ANKRD35: variants seen among roughly 807,000 people sequenced by gnomAD.
ANKRD35 encodes ankyrin repeat domain-containing protein 35.
Under a neutral mutation model 109.9 loss-of-function variants are expected in ANKRD35, and 102 were observed. The observed-to-expected ratio is 0.93, with a 90% CI of 0.79 to 1.09. The LOEUF is 1.09. Among genes scored for constraint, ANKRD35 ranks in the 50% least tolerant of loss-of-function variants. ANKRD35 has a pLI of 0.00. For missense variants in ANKRD35, 1,240 were observed against 1,230.1 expected, an observed-to-expected ratio of 1.01 and a Z score of -0.12; for synonymous variants, 515 against 512.4, an observed-to-expected ratio of 1.01 and a Z score of -0.07.
chr1:145,867,310 G>A lies in ANKRD35; in HGVS notation c.*20C>T. The A allele has an allele frequency of 6.2e-7, 1 of 1,611,288 alleles. No individual in the cohort carries two copies. Among genetic ancestry groups the A allele is most frequent in the South Asian group, 1.1e-5 (1 of 91,010 alleles). ...ACAACAGAGAATCTCGTATCCCTGA[G>A]GGCACACAGTGAGGCTGCCTCACTC... On this transcript the variant is annotated 3_prime_UTR_variant, in exon 13 of 14. Transcript: ENST00000355594.
In ANKRD35 at chr1:145,872,069, C is replaced by G. The variant is rs782730914; in HGVS notation, c.2700G>C (p.Gly900=). 6.2e-7 allele frequency: 1 copy of G among 1,613,604 alleles called. No individual in the cohort carries two copies. Among genetic ancestry groups the G allele is most frequent in the Non-Finnish European group, 8.5e-7 (1 of 1,179,898 alleles). The change falls in exon 10 of 14, where the codon GGG becomes GGC. Residue 900 remains glycine (G), a synonymous_variant. Transcript: ENST00000355594. ...EQERQASEMR[G]RSEQFEKTAE... The stretch of plus-strand genomic sequence containing the variant: ...CCGTTTTCTCAAACTGCTCGGAGCG[C>G]CCCCGCATCTCGCTGGCCTGGCGCT...
chr1:145,881,165 T>C (rs1654271555), intron 1 of ANKRD35, among the ~76,000 whole-genome samples: 1 of 152,168 alleles, frequency 6.6e-6, no homozygotes. Context: ...CCGGTGCCTG[T>C]AATCCCAGCT....
chr1:145,873,030 T>C lies in ANKRD35; in HGVS notation c.1739A>G (p.Gln580Arg). Residue 580 changes from glutamine (Q) to arginine (R), a missense_variant, in exon 10 of 14, where the codon CAG becomes CGG. Transcript: ENST00000355594. ...ALKAAPGSIK[Q>R]DEEKEKRVPG... The stretch of plus-strand genomic sequence containing the variant: ...AACCCTTTTCTCCTTCTCTTCATCC[T>C]GTTTGATGCTCCCTGGGGCTGCCTT... The C allele has an allele frequency of 4.3e-6, 7 of 1,611,280 alleles. No homozygotes were observed. Among genetic ancestry groups the C allele is most frequent in the Non-Finnish European group, 5.9e-6 (7 of 1,178,804 alleles).
At chr1:145,868,150 G>T in intron 11 of ANKRD35, 94 bp from the exon 12 acceptor site, 3 of 1,490,118 alleles carry the variant, frequency 2.0e-6, no homozygotes, top group East Asian at 4.5e-5. Context: ...TACCAGGTGG[G>T]CTCGTTGGCC....
At chr1:145,871,225 G>A (rs1251774552) in intron 10 of ANKRD35, among the ~76,000 whole-genome samples, 1 of 120,452 alleles carries the variant, frequency 8.3e-6, no homozygotes, top group African/African-American at 3.2e-5. Context: ...GTGCAATGGT[G>A]CAATCTTGGC....
At chr1:145,878,293 G>T in intron 3 of ANKRD35, 98 bp downstream of exon 3, 1 of 1,277,860 alleles carries the variant, frequency 7.8e-7, no homozygotes, top group Non-Finnish European at 1.1e-6. Context: ...GAAGCAAGGG[G>T]CCACAGTAGG....
chr1:145,872,568 C>T lies in ANKRD35; in HGVS notation c.2201G>A (p.Ser734Asn), dbSNP rs1240495620. The change falls in exon 10 of 14, where the codon AGC becomes AAC. Residue 734 changes from serine to asparagine, a missense_variant. Ser to Asn is a conservative substitution (Grantham distance 46, BLOSUM62 1). Coordinates refer to ENST00000355594, the MANE Select transcript of ANKRD35 (RefSeq NM_144698.5). The stretch of plus-strand genomic sequence containing the variant: ...CTCCCGGTGCCGATCCACCAGGGTG[C>T]TGATGCAGGCCCGCAGCTCCTCCAG... ...ESLEELRACI[S>N]TLVDRHREAQ... 11 of 1,611,060 alleles carry T rather than the reference C, an allele frequency of 6.8e-6. No homozygotes were observed. The highest frequency in any genetic ancestry group is 9.3e-6 in the Non-Finnish European group (11 of 1,178,700).
chr1:145,874,976 G>C lies in ANKRD35; in HGVS notation c.591C>G (p.Gly197=), dbSNP rs781851987. 113 of 1,610,648 alleles carry C rather than the reference G, an allele frequency of 7.0e-5. 1 individual carries two copies. The East Asian group carries it at 2.4e-3, about 34-fold the overall frequency. The change falls in exon 8 of 14, where the codon GGC becomes GGG. Residue 197 remains glycine, a synonymous_variant. Transcript: ENST00000355594. ...KSALILACEK[G]SAEVAELLLS... is the part of the protein sequence containing the mutation. ...GGAGCAGTTCAGCCACCTCGGCACT[G>C]CCTTTCTCACAGGCCAGGATCAAAG...
chr1:145,878,603 A>C, intron 2 of ANKRD35, 124 bp from the exon 3 acceptor site: 1 of 813,670 alleles, frequency 1.2e-6, no homozygotes, highest in Non-Finnish European at 2.0e-6. Context: ...CAGGAAAAGA[A>C]GCTCCCCTAG....
At chr1:145,876,933 C>T (rs1163370480) in intron 4 of ANKRD35, 60 bp from the exon 5 acceptor site, 6 of 1,567,798 alleles carry the variant, frequency 3.8e-6, no homozygotes, top group Non-Finnish European at 5.3e-6. Flanking sequence ...TCATCCCATA[C>T]CCCCATTGGG....
chr1:145,884,374 C>T (rs1426750888), intron 1 of ANKRD35, among the ~76,000 whole-genome samples: 2 of 152,212 alleles, frequency 1.3e-5, no homozygotes, highest in African/African-American at 4.8e-5. Flanking sequence ...ATACTCTTGC[C>T]TCATAGCTTG....
intron 1 of ANKRD35, 118 bp downstream of exon 1, chr1:145,885,602 A>C: frequency 8.1e-7 from 1 of 1,230,234 alleles, no homozygotes. Flanking sequence ...GCAAGACTAG[A>C]AGAGCTAGAA....
At chr1:145,870,192 A>G (rs1570793216) in intron 10 of ANKRD35, among the ~76,000 whole-genome samples, 1 of 149,946 alleles carries the variant, frequency 6.7e-6, no homozygotes. Flanking sequence ...CCGGGCTCAC[A>G]CCATTCTCCT....
At chr1:145,876,967 A>G in intron 4 of ANKRD35, 94 bp from the exon 5 acceptor site, 2 of 1,268,078 alleles carry the variant, frequency 1.6e-6, no homozygotes, top group South Asian at 1.3e-5. Flanking sequence ...TGGTAATATG[A>G]GGAGGGGCAG....
chr1:145,881,534 G>T (rs782439915), intron 1 of ANKRD35, among the ~76,000 whole-genome samples: 6 of 152,192 alleles, frequency 3.9e-5, no homozygotes, highest in Admixed American at 2.0e-4. Context: ...ACTCTGACAT[G>T]TAAGAACGCA....
chr1:145,871,628 C>G (rs1653821932), intron 10 of ANKRD35, among the ~76,000 whole-genome samples: 1 of 152,150 alleles, frequency 6.6e-6, no homozygotes, highest in African/African-American at 2.4e-5. Flanking sequence ...CACAGCAACC[C>G]ATCATGCTAT....
intron 4 of ANKRD35, 127 bp from the exon 5 acceptor site, chr1:145,877,000 A>G (rs1315630997): frequency 1.5e-5 from 13 of 895,262 alleles, no homozygotes; most frequent in African/African-American, 6.5e-5. Context: ...GGAGAAGGCT[A>G]TCTACTAGGC....
rs781952545 is a variant in ANKRD35 at position 145,876,241 on chromosome 1, T to C, written c.459A>G (p.Gly153=). ...EAFLDVLDND[G]RTPLMIASLG... ...GCGATGCGATCATCAGGGGTGTACG[T>C]CCATCCTGCACAGATTGTAGGAAGA... The change falls in exon 7 of 14, where the codon GGA becomes GGG. Residue 153 remains glycine (G), a synonymous_variant. Coordinates refer to ENST00000355594, the MANE Select transcript of ANKRD35 (RefSeq NM_144698.5). 1.2e-6 allele frequency: 2 copies of C among 1,613,322 alleles called. No homozygotes were observed. Among genetic ancestry groups the C allele is most frequent in the South Asian group, 1.1e-5 (1 of 90,924 alleles).
intron 10 of ANKRD35, 104 bp from the exon 11 acceptor site, chr1:145,868,504 T>C (rs1277802617): frequency 2.2e-6 from 2 of 900,342 alleles, no homozygotes; most frequent in African/African-American, 3.3e-5. Context: ...GTGCCAATTT[T>C]ATACAAATTG....
Sources: allele counts gnomAD v4.1 joint callset (sites outside exome capture counted in the v4.1 genomes callset), GRCh38; gene constraint gnomAD v4.1.1; transcripts MANE v1.5; gene names NCBI Gene and HGNC (gene_info 2026-07-23, HGNC 2026-07-21).